Variants in ELAVL3 observed in about 807,000 individuals in gnomAD.
ELAVL3 encodes the protein ELAV like RNA binding protein 3, also known as ELAV-like protein 3.
In ELAVL3, 8 loss-of-function variants were observed where a neutral mutation model predicts 34.2. That is an observed-to-expected ratio of 0.23 (90% CI 0.14 to 0.42). The LOEUF (loss-of-function observed/expected upper bound fraction) is 0.42. Ranked by LOEUF, ELAVL3 falls within the 10% of genes least tolerant of loss-of-function variation. The pLI is 1.00. For missense variants in ELAVL3, 273 were observed against 518.8 expected (o/e 0.53, Z 4.60); for synonymous variants, 209 against 222.1 (o/e 0.94, Z 0.53).
intron 1 of ELAVL3, among the ~76,000 whole-genome samples, chr19:11,467,878 C>T (rs1454313203): frequency 6.6e-6 from 1 of 152,164 alleles, no homozygotes; most frequent in Non-Finnish European, 1.5e-5. Flanking sequence ...CATCCTCGAC[C>T]TTCCAGGCTC....
At chr19:11,479,580 C>A (rs1037519860) in intron 1 of ELAVL3, among the ~76,000 whole-genome samples, 3 of 151,678 alleles carry the variant, frequency 2.0e-5, no homozygotes, top group African/African-American at 4.8e-5. Flanking sequence ...GCCAGCCCCG[C>A]CCCCGGGATA....
chr19:11,464,525 G>A (rs946236479), intron 3 of ELAVL3, among the ~76,000 whole-genome samples: 6 of 148,888 alleles, frequency 4.0e-5, no homozygotes, highest in Non-Finnish European at 8.9e-5. Flanking sequence ...AGTGAGTCAC[G>A]GGACACCTGG....
At chr19:11,456,400 G>T (rs1350932328) in intron 6 of ELAVL3, among the ~76,000 whole-genome samples, 2 of 151,646 alleles carry the variant, frequency 1.3e-5, no homozygotes, top group East Asian at 3.9e-4. Flanking sequence ...CACCGCGCCC[G>T]GCCTCTGTTA....
chr19:11,476,709 G>A (rs1254564509), intron 1 of ELAVL3, among the ~76,000 whole-genome samples: 1 of 152,044 alleles, frequency 6.6e-6, no homozygotes, highest in African/African-American at 2.4e-5. Context: ...GACCAGCCTG[G>A]CCAACACAGC....
intron 1 of ELAVL3, among the ~76,000 whole-genome samples, chr19:11,478,982 C>T (rs1971315439): frequency 1.3e-5 from 2 of 152,174 alleles, no homozygotes; most frequent in South Asian, 4.1e-4. Flanking sequence ...TAATTTGTCA[C>T]CTCTCTTCCT....
At position 11,480,688 on chromosome 19, in the gene ELAVL3, A is replaced by G. The variant is rs1971361128; in HGVS notation, c.-80T>C. Reference sequence around the variant, plus strand: ...ACTCCTAGGGGGGCGCCCGATGCTCACGCTGGGGTCCCGCCCGGGCGGCCT... The same window carrying G: ...ACTCCTAGGGGGGCGCCCGATGCTCGCGCTGGGGTCCCGCCCGGGCGGCCT... On this transcript the variant is annotated 5_prime_UTR_variant, in exon 1 of 7. Transcript: ENST00000359227. This position sits in a 1 kb window ranked among gnomAD's most constrained non-coding sequence, Gnocchi z 6.8. The G allele has an allele frequency of 2.3e-6, 3 of 1,301,980 alleles. No individual in the cohort carries two copies. The South Asian group carries it at 7.0e-5, about 30-fold the overall frequency. 80.7% of individuals were successfully genotyped at this position (1,301,980 alleles called of 1,614,324 possible). A position where few individuals can be genotyped will look rare whatever the true frequency, so the allele number is the denominator to read the frequency against.
chr19:11,457,442 A>T (rs1201439508), intron 5 of ELAVL3, among the ~76,000 whole-genome samples: 1 of 152,154 alleles, frequency 6.6e-6, no homozygotes, highest in Non-Finnish European at 1.5e-5. Flanking sequence ...CTGGGGAAAG[A>T]TAACTCCTAA....
At position 11,464,690 on chromosome 19, in the gene ELAVL3, A is replaced by C. The variant is rs1224934295; in HGVS notation, c.333+1482T>G. Among the ~76,000 whole-genome samples, 8 of 135,168 alleles carry C rather than the reference A, an allele frequency of 5.9e-5. No homozygotes were observed. In the East Asian group the frequency reaches 8.6e-4, roughly 14 times the overall value. 88.7% of individuals were successfully genotyped at this position (135,168 alleles called of 152,430 possible). A position where few individuals can be genotyped will look rare whatever the true frequency, so the allele number is the denominator to read the frequency against. ...TACACACATCACACACACACCCCCC[A>C]CACACATACACCACACACACCACAC... On this transcript the variant is annotated intron_variant, in intron 3 of 6. Transcript: ENST00000359227.
intron 1 of ELAVL3, among the ~76,000 whole-genome samples, chr19:11,479,530 CG>C: frequency 6.6e-6 from 1 of 151,770 alleles, no homozygotes; most frequent in South Asian, 2.1e-4. Flanking sequence ...CGGAGTCGCG[CG>C]GCAGGGGCGG....
At chr19:11,468,027 T>C (rs188723) in intron 1 of ELAVL3, among the ~76,000 whole-genome samples, 27,049 of 152,160 alleles carry the variant, frequency 0.18, 3,036 homozygotes, top group African/African-American at 0.33. Context: ...TGGGCTCTGG[T>C]GATCCTCCCA....
intron 3 of ELAVL3, among the ~76,000 whole-genome samples, chr19:11,460,180 T>C (rs1170916887): frequency 6.6e-6 from 1 of 152,080 alleles, no homozygotes; most frequent in African/African-American, 2.4e-5. Flanking sequence ...TCGACACCTG[T>C]TCTTCACATG....
intron 3 of ELAVL3, among the ~76,000 whole-genome samples, chr19:11,464,127 C>CTG (rs1970952944): frequency 1.1e-5 from 1 of 89,918 alleles, no homozygotes; most frequent in African/African-American, 6.3e-5. Context: ...CTCTCTGTCT[C>CTG]TCTCTCTCTC....
intron 3 of ELAVL3, among the ~76,000 whole-genome samples, chr19:11,464,151 C>CTATATATA (rs1164328564): frequency 2.0e-4 from 17 of 86,492 alleles, no homozygotes; most frequent in African/African-American, 2.4e-4. Flanking sequence ...CTCTCTCTCT[C>CTATATATA]TATATATATA....
At chr19:11,470,403 C>A (rs1289402054) in intron 1 of ELAVL3, among the ~76,000 whole-genome samples, 18 of 151,114 alleles carry the variant, frequency 1.2e-4, no homozygotes, top group Non-Finnish European at 1.5e-5. Flanking sequence ...TGGTGGCTCA[C>A]GCCCATAATC....
In ELAVL3 at chr19:11,457,117, C is replaced by T. The variant is rs759846224; in HGVS notation, c.745G>A (p.Val249Ile). The change falls in exon 6 of 7, where the codon GTC becomes ATC. Residue 249 changes from valine (V) to isoleucine (I), a missense_variant. Coordinates refer to ENST00000359227, the MANE Select transcript of ELAVL3 (RefSeq NM_001420.4). ...LDNLLNMAYG[V>I]KSPLSLIARF... ...GGGCGGGGTCACTGTTACCTCTTGA[C>T]GCCGTAGGCCATGTTGAGCAAATTG... 2.5e-5 allele frequency: 38 copies of T among 1,536,446 alleles called. No homozygotes were observed. Among genetic ancestry groups the T allele is most frequent in the African/African-American group, 4.3e-5 (3 of 69,586 alleles).
At position 11,480,673 on chromosome 19, in the gene ELAVL3, G is replaced by A; in HGVS notation, c.-65C>T. On this transcript the variant is annotated 5_prime_UTR_variant, in exon 1 of 7. Transcript: ENST00000359227. This position sits in a 1 kb window ranked among gnomAD's most constrained non-coding sequence, Gnocchi z 6.8. ...CTCCGGGGGTGGTGCACTCCTAGGG[G>A]GGCGCCCGATGCTCACGCTGGGGTC... 2.2e-6 allele frequency: 3 copies of A among 1,351,058 alleles called. No individual in the cohort carries two copies. 83.7% of individuals were successfully genotyped at this position (1,351,058 alleles called of 1,614,324 possible).
Position 11,458,740 on chromosome 19 carries a change from A to C in ELAVL3, c.334-129T>G. The C allele has an allele frequency of 4.7e-6, 6 of 1,270,562 alleles. No individual in the cohort carries two copies. Among genetic ancestry groups the C allele is most frequent in the Non-Finnish European group, 6.5e-6 (6 of 917,926 alleles). The allele number at this position is 1,270,562 out of a possible 1,614,324, so 78.7% of individuals were successfully genotyped here. A position where few individuals can be genotyped will look rare whatever the true frequency, so the allele number is the denominator to read the frequency against. ...CATCCGTCACTCAATAAGTATCTCT[A>C]GAGTTGTCACCGTGGGGTGGGGCTG... On this transcript the variant is annotated intron_variant, in intron 3 of 6. Transcript: ENST00000359227. The surrounding 1 kb of genome is among the most constrained non-coding windows in gnomAD (Gnocchi z 7.3).
chr19:11,464,098 CCTCT>C (rs1244106682), intron 3 of ELAVL3, among the ~76,000 whole-genome samples: 6 of 135,062 alleles, frequency 4.4e-5, no homozygotes, highest in South Asian at 2.2e-4. Context: ...CCTCTCTCTC[CCTCT>C]CTCTCTCTCT....
chr19:11,464,165 A>ATTT (rs1463453278), intron 3 of ELAVL3, among the ~76,000 whole-genome samples: 3 of 111,060 alleles, frequency 2.7e-5, no homozygotes, highest in African/African-American at 1.4e-4. Context: ...ATATATATAT[A>ATTT]TATTTTTTTT....
Sources: allele counts gnomAD v4.1 joint callset (sites outside exome capture counted in the v4.1 genomes callset), GRCh38; gene constraint gnomAD v4.1.1; non-coding constraint Gnocchi (gnomAD v3.1); transcripts MANE v1.5; gene names NCBI Gene and HGNC (gene_info 2026-07-23, HGNC 2026-07-21).